Variants in SYT1 observed in about 807,000 individuals in gnomAD.
SYT1 encodes synaptotagmin 1.
A neutral mutation model predicts 44.8 loss-of-function variants in SYT1; 8 were observed. That is an observed-to-expected ratio of 0.18 (90% CI 0.10 to 0.32). The LOEUF (loss-of-function observed/expected upper bound fraction) is 0.32. Among genes scored for constraint, SYT1 ranks in the 10% least tolerant of loss-of-function variants. SYT1 has a pLI of 1.00. For synonymous variants in SYT1, 154 were observed against 188.8 expected, an observed-to-expected ratio of 0.82 and a Z score of 1.51; for missense variants, 286 against 509.3, an observed-to-expected ratio of 0.56 and a Z score of 4.22.
chr12:79,116,333 TC>T (rs2138111545), intron 3 of SYT1, among the ~76,000 whole-genome samples: 1 of 152,246 alleles, frequency 6.6e-6, no homozygotes, highest in South Asian at 2.1e-4. Context: ...GTATTAGTGT[TC>T]AGTAGGAGAA....
chr12:78,923,127 T>C (rs899913871), intron 1 of SYT1, among the ~76,000 whole-genome samples: 4 of 152,010 alleles, frequency 2.6e-5, no homozygotes, highest in African/African-American at 9.7e-5. Context: ...TCTATACAAA[T>C]TTCAGATGTG....
chr12:79,228,872 G>GT (rs894385046), intron 4 of SYT1, among the ~76,000 whole-genome samples: 109 of 151,854 alleles, frequency 7.2e-4, no homozygotes, highest in African/African-American at 2.2e-3. Context: ...CATTGTTGGG[G>GT]TTTTTTTTGC....
In SYT1 at chr12:78,922,503, TCA is replaced by T. The variant is rs1356233801; in HGVS notation, c.-216-55295_-216-55294del. Among the ~76,000 whole-genome samples, 4 of 151,858 alleles carry T rather than the reference TCA, an allele frequency of 2.6e-5. No individual in the cohort carries two copies. The South Asian group carries it at 8.3e-4, about 31-fold the overall frequency. ...TTTATTTGGAAAATTAAAAAAATTC[TCA>T]GACTGTATTAAGGAAATATATGTAA... On this transcript the variant is annotated intron_variant, in intron 1 of 10. Coordinates refer to ENST00000261205, the MANE Select transcript of SYT1 (RefSeq NM_005639.3).
intron 4 of SYT1, among the ~76,000 whole-genome samples, chr12:79,234,085 C>T (rs1341137187): frequency 2.0e-5 from 3 of 152,134 alleles, no homozygotes; most frequent in Non-Finnish European, 2.9e-5. Flanking sequence ...CTCTTTCTTT[C>T]CTTCTAACAT....
chr12:79,059,912 G>A (rs180997424), intron 3 of SYT1, among the ~76,000 whole-genome samples: 114 of 152,184 alleles, frequency 7.5e-4, no homozygotes, highest in African/African-American at 2.6e-3. Context: ...AAACCAACTT[G>A]CTCAAAATAA....
At chr12:78,876,460 G>C (rs1317382870) in intron 1 of SYT1, among the ~76,000 whole-genome samples, 1 of 116,984 alleles carries the variant, frequency 8.5e-6, no homozygotes, top group Non-Finnish European at 1.7e-5. Context: ...TGAAAATGGA[G>C]GTGTTTTTTT....
intron 10 of SYT1, among the ~76,000 whole-genome samples, chr12:79,447,383 T>C (rs372110764): frequency 9.6e-4 from 146 of 152,304 alleles, no homozygotes; most frequent in African/African-American, 3.1e-3. Flanking sequence ...AAATGTATTA[T>C]GAAAGAAGCA....
intron 2 of SYT1, among the ~76,000 whole-genome samples, chr12:79,010,517 A>G (rs1330491590): frequency 6.6e-6 from 1 of 152,124 alleles, no homozygotes; most frequent in Admixed American, 6.6e-5. Flanking sequence ...GAGAGGAGGT[A>G]TCTATATTTT....
chr12:79,097,547 T>C (rs1313962950), intron 3 of SYT1, among the ~76,000 whole-genome samples: 2 of 151,934 alleles, frequency 1.3e-5, no homozygotes, highest in Admixed American at 6.6e-5. Context: ...TTCTTATGAC[T>C]CCCTATAGCA....
At chr12:78,918,709 A>G (rs1348701166) in intron 1 of SYT1, among the ~76,000 whole-genome samples, 2 of 152,072 alleles carry the variant, frequency 1.3e-5, no homozygotes, top group African/African-American at 2.4e-5. Flanking sequence ...GATTTTGTAT[A>G]TAAAACATTC....
chr12:79,011,269 GATTCTCTTGAGC>G (rs1871388273), intron 2 of SYT1, among the ~76,000 whole-genome samples: 1 of 152,058 alleles, frequency 6.6e-6, no homozygotes, highest in African/African-American at 2.4e-5. Context: ...AGATATTAAA[GATTCTCTTGAGC>G]ATACAATAAA....
At chr12:78,958,943 C>G (rs1879361567) in intron 1 of SYT1, among the ~76,000 whole-genome samples, 1 of 152,180 alleles carries the variant, frequency 6.6e-6, no homozygotes, top group African/African-American at 2.4e-5. Context: ...CTAACTCAAA[C>G]TTCATTCTTT....
intron 2 of SYT1, among the ~76,000 whole-genome samples, chr12:78,995,265 A>C (rs925807000): frequency 3.3e-5 from 5 of 152,222 alleles, no homozygotes; most frequent in African/African-American, 9.7e-5. Context: ...AAACTTTGGA[A>C]TAGGCTAAAA....
At chr12:79,311,784 C>T (rs1047832773) in intron 8 of SYT1, among the ~76,000 whole-genome samples, 5 of 145,076 alleles carry the variant, frequency 3.4e-5, no homozygotes, top group Admixed American at 2.1e-4. Context: ...AAGCAAACAC[C>T]GCATGTTCTC....
At chr12:79,231,498 A>T (rs1304252769) in intron 4 of SYT1, among the ~76,000 whole-genome samples, 2 of 152,158 alleles carry the variant, frequency 1.3e-5, no homozygotes, top group African/African-American at 4.8e-5. Flanking sequence ...TTTCTTAAAA[A>T]AAAAAGATAA....
At chr12:78,940,447 T>G (rs1248456842) in intron 1 of SYT1, among the ~76,000 whole-genome samples, 1 of 152,220 alleles carries the variant, frequency 6.6e-6, no homozygotes, top group African/African-American at 2.4e-5. Flanking sequence ...TACAGTGCAG[T>G]GGCCCAATCA....
chr12:79,196,496 C>T (rs1337578091), intron 3 of SYT1, among the ~76,000 whole-genome samples: 4 of 152,102 alleles, frequency 2.6e-5, no homozygotes, highest in African/African-American at 9.7e-5. Flanking sequence ...CTGGGTACTC[C>T]TCTCAAACTC....
chr12:78,976,291 A>G (rs1868825892), intron 1 of SYT1, among the ~76,000 whole-genome samples: 1 of 152,234 alleles, frequency 6.6e-6, no homozygotes, highest in Non-Finnish European at 1.5e-5. Context: ...AATCACAGAT[A>G]GTAAAGAAGT....
chr12:79,183,242 G>C (rs974555575), intron 3 of SYT1, among the ~76,000 whole-genome samples: 1 of 152,022 alleles, frequency 6.6e-6, no homozygotes, highest in Non-Finnish European at 1.5e-5. Context: ...TTCGGGAAGA[G>C]ACAAGTCTTC....
Sources: gnomAD v4.1 joint callset for allele counts (sites outside exome capture counted in the v4.1 genomes callset) on GRCh38, gnomAD v4.1.1 for gene constraint, MANE v1.5 for transcripts, NCBI Gene and HGNC (gene_info 2026-07-23, HGNC 2026-07-21) for gene names.